ASTN1: variants seen among roughly 807,000 people sequenced by gnomAD.
The protein encoded by ASTN1 is astrotactin-1.
A neutral mutation model predicts 140.7 loss-of-function variants in ASTN1; 41 were observed. That is an observed-to-expected ratio of 0.29 (90% CI 0.23 to 0.38). The LOEUF is 0.38. Ranked by LOEUF, ASTN1 falls within the 10% of genes least tolerant of loss-of-function variation. ASTN1 has a pLI of 1.00. For synonymous variants in ASTN1, 640 were observed against 652.2 expected (o/e 0.98, Z 0.29); for missense variants, 1,479 against 1,678.8 (o/e 0.88, Z 2.08).
chr1:176,935,747 TTCTC>T (rs1057057802), intron 15 of ASTN1, among the ~76,000 whole-genome samples: 3 of 151,714 alleles, frequency 2.0e-5, no homozygotes, highest in South Asian at 2.1e-4. Context: ...TAATATCTAT[TTCTC>T]TCTCTCTCTT....
intron 1 of ASTN1, among the ~76,000 whole-genome samples, chr1:177,130,293 T>C (rs1681881025): frequency 6.6e-6 from 1 of 152,132 alleles, no homozygotes; most frequent in South Asian, 2.1e-4. Flanking sequence ...CGTGTGACCC[T>C]GGTTATGAGG....
chr1:176,905,611 A>T (rs2103052809), intron 16 of ASTN1, among the ~76,000 whole-genome samples: 1 of 152,208 alleles, frequency 6.6e-6, no homozygotes, highest in South Asian at 2.1e-4. Flanking sequence ...ACTGAAATTT[A>T]TGCTGCTTCC....
intron 1 of ASTN1, among the ~76,000 whole-genome samples, chr1:177,118,992 T>C (rs927970989): frequency 1.3e-5 from 2 of 152,204 alleles, no homozygotes; most frequent in African/African-American, 4.8e-5. Context: ...TTCTTACATT[T>C]TCCACCTGGA....
At chr1:177,066,907 A>G (rs764026805) in intron 1 of ASTN1, among the ~76,000 whole-genome samples, 1 of 152,182 alleles carries the variant, frequency 6.6e-6, no homozygotes, top group Non-Finnish European at 1.5e-5. Context: ...GCTGAAGTCA[A>G]GGCAGGAGGA....
At chr1:177,055,832 T>C (rs773794737) in intron 2 of ASTN1, among the ~76,000 whole-genome samples, 10 of 152,184 alleles carry the variant, frequency 6.6e-5, no homozygotes, top group Admixed American at 1.3e-4. Context: ...AAAAGTGACC[T>C]TGATTAATGA....
chr1:177,115,963 GAATACGGTT>G (rs763313016), intron 1 of ASTN1, among the ~76,000 whole-genome samples: 6 of 152,124 alleles, frequency 3.9e-5, no homozygotes, highest in Non-Finnish European at 7.4e-5. Context: ...CCATGTTTTA[GAATACGGTT>G]AATATCTTTA....
At chr1:176,966,329 T>C (rs1019384173) in intron 8 of ASTN1, among the ~76,000 whole-genome samples, 39 of 152,234 alleles carry the variant, frequency 2.6e-4, no homozygotes, top group African/African-American at 8.7e-4. Context: ...ATGGCAGTTG[T>C]TCTTCAATGA....
intron 8 of ASTN1, among the ~76,000 whole-genome samples, chr1:176,973,789 G>T (rs1171239587): frequency 6.6e-6 from 1 of 152,120 alleles, no homozygotes; most frequent in Non-Finnish European, 1.5e-5. Flanking sequence ...CCTCCTTCCA[G>T]TAATTAGGCA....
At chr1:177,089,679 G>A (rs1187717004) in intron 1 of ASTN1, among the ~76,000 whole-genome samples, 1 of 152,064 alleles carries the variant, frequency 6.6e-6, no homozygotes, top group East Asian at 1.9e-4. Context: ...CTCCCGCACT[G>A]CCCCAGCCCC....
chr1:176,943,980 G>A lies in ASTN1; in HGVS notation c.2288C>T (p.Pro763Leu). Residue 763 changes from proline (P) to leucine (L), a missense_variant, in exon 14 of 23, where the codon CCA (proline) becomes CTA (leucine). Transcript: ENST00000361833. ...CACAGTGGCCACCACAAGACCATCT[G>A]GCAGTTGCTGGTCTAAACCACGAGC... ...NFARGLDQQL[P>L]DGLVVATVPL... 1.2e-6 allele frequency: 2 copies of A among 1,614,026 alleles called. No individual in the cohort carries two copies. The highest frequency in any genetic ancestry group is 1.7e-6 in the Non-Finnish European group (2 of 1,179,942).
rs1046272941 is a variant in ASTN1 at position 176,942,845 on chromosome 1, T to G, written c.2377+1046A>C. ...GTATATATATATATATGTATATATA[T>G]ATATATATATATATATATATAGATT... On this transcript the variant is annotated intron_variant, in intron 14 of 22. Transcript: ENST00000361833. 2.0e-4 allele frequency among the ~76,000 whole-genome samples: 16 copies of G among 78,796 alleles called. 2 individuals are homozygous for G. Among genetic ancestry groups the G allele is most frequent in the Admixed American group, 1.6e-3 (11 of 7,046 alleles). 51.7% of individuals were successfully genotyped at this position (78,796 alleles called of 152,430 possible).
intron 16 of ASTN1, among the ~76,000 whole-genome samples, chr1:176,908,514 CA>C (rs1199137682): frequency 1.3e-5 from 2 of 152,174 alleles, no homozygotes; most frequent in East Asian, 3.9e-4. Flanking sequence ...CCTCAGCTGG[CA>C]AAGATGTCTT....
chr1:176,910,608 CATT>C (rs1269630626), intron 16 of ASTN1, among the ~76,000 whole-genome samples: 2 of 152,200 alleles, frequency 1.3e-5, no homozygotes, highest in African/African-American at 2.4e-5. Context: ...ATAAATGCAT[CATT>C]AAGTGAGTTC....
intron 1 of ASTN1, among the ~76,000 whole-genome samples, chr1:177,066,501 G>C (rs1678363004): frequency 1.3e-5 from 2 of 152,088 alleles, no homozygotes; most frequent in South Asian, 4.1e-4. Context: ...ACTTTTTGTG[G>C]GGTTAGATTA....
intron 22 of ASTN1, 38 bp from the exon 23 acceptor site, chr1:176,864,559 A>C (rs1310294639): frequency 6.2e-7 from 1 of 1,605,638 alleles, no homozygotes. Context: ...AGTTAGAAAG[A>C]AGAGAGGGTC....
At chr1:176,882,779 C>A in intron 20 of ASTN1, 80 bp downstream of exon 20, 1 of 1,572,698 alleles carries the variant, frequency 6.4e-7, no homozygotes, top group Non-Finnish European at 8.7e-7. Context: ...TCTAAAGGAA[C>A]TCAAGTAGCA....
chr1:176,910,572 T>C (rs1473572269), intron 16 of ASTN1, among the ~76,000 whole-genome samples: 2 of 152,236 alleles, frequency 1.3e-5, no homozygotes, highest in Non-Finnish European at 2.9e-5. Context: ...CAGTCACACA[T>C]TGCTTAATGA....
intron 13 of ASTN1, 144 bp downstream of exon 13, chr1:176,945,782 G>A (rs1218337678): frequency 1.4e-6 from 1 of 726,440 alleles, no homozygotes; most frequent in African/African-American, 1.8e-5. Context: ...ACTTGGAGAA[G>A]ACCAAGGGTA....
intron 1 of ASTN1, among the ~76,000 whole-genome samples, chr1:177,135,151 G>C (rs752891414): frequency 2.0e-5 from 3 of 152,100 alleles, no homozygotes; most frequent in Non-Finnish European, 4.4e-5. Context: ...TTTCTCAGCA[G>C]CAAGAAATGT....
Sources: allele counts gnomAD v4.1 joint callset (sites outside exome capture counted in the v4.1 genomes callset), GRCh38; gene constraint gnomAD v4.1.1; transcripts MANE v1.5; gene names NCBI Gene and HGNC (gene_info 2026-07-23, HGNC 2026-07-21).